TMEM163: variants seen among roughly 807,000 people sequenced by gnomAD.
The protein encoded by TMEM163 is transmembrane protein 163.
TMEM163 carries 17 observed loss-of-function variants against 29.3 expected under a neutral mutation model. The ratio of observed to expected loss-of-function variants is 0.58; its 90% CI spans 0.40 to 0.87. TMEM163 has a LOEUF of 0.87. TMEM163 is among the 40% of genes least tolerant of loss of function. The pLI is 0.00. For synonymous variants in TMEM163, 157 were observed against 160.6 expected (o/e 0.98, Z 0.17); for missense variants, 303 against 381.5 (o/e 0.79, Z 1.71).
At chr2:134,528,440 G>A (rs1306496927) in intron 4 of TMEM163, among the ~76,000 whole-genome samples, 1 of 152,174 alleles carries the variant, frequency 6.6e-6, no homozygotes, top group African/African-American at 2.4e-5. Flanking sequence ...GAATGCCTCA[G>A]ATGATACATT....
At chr2:134,497,688 A>G (rs1679602978) in intron 5 of TMEM163, among the ~76,000 whole-genome samples, 1 of 152,224 alleles carries the variant, frequency 6.6e-6, no homozygotes, top group South Asian at 2.1e-4. Context: ...AGTACTGGGT[A>G]CTGCATCCAT....
At chr2:134,588,898 T>C (rs1205071951) in intron 2 of TMEM163, among the ~76,000 whole-genome samples, 2 of 151,724 alleles carry the variant, frequency 1.3e-5, no homozygotes, top group African/African-American at 4.8e-5. Flanking sequence ...TAGACCAAAG[T>C]GTAGAGTTCA....
chr2:134,581,424 T>C (rs1455706191), intron 2 of TMEM163, among the ~76,000 whole-genome samples: 2 of 152,230 alleles, frequency 1.3e-5, no homozygotes, highest in Non-Finnish European at 2.9e-5. Context: ...TTTCAGAACA[T>C]ATCTAAAATT....
At chr2:134,507,855 TCA>T (rs140934225) in intron 4 of TMEM163, among the ~76,000 whole-genome samples, 198 of 150,494 alleles carry the variant, frequency 1.3e-3, no homozygotes, top group African/African-American at 3.9e-3. Flanking sequence ...AGACCCTGTC[TCA>T]CACACACACA....
At chr2:134,549,359 C>T (rs1680859247) in intron 4 of TMEM163, among the ~76,000 whole-genome samples, 1 of 152,188 alleles carries the variant, frequency 6.6e-6, no homozygotes, top group African/African-American at 2.4e-5. Context: ...AGAGTACTTT[C>T]TTGTTTGAGA....
chr2:134,658,667 G>A (rs61018550), intron 2 of TMEM163, among the ~76,000 whole-genome samples: 22,704 of 151,838 alleles, frequency 0.15, 2,506 homozygotes, highest in African/African-American at 0.31. Flanking sequence ...GTACAATCTT[G>A]GCTCACTGCA....
chr2:134,664,766 C>T (rs1248292410), intron 2 of TMEM163, among the ~76,000 whole-genome samples: 1 of 152,196 alleles, frequency 6.6e-6, no homozygotes, highest in Non-Finnish European at 1.5e-5. Context: ...CTGCAACTTG[C>T]AGAAGGAACA....
At chr2:134,669,684 C>T (rs1683947647) in intron 2 of TMEM163, among the ~76,000 whole-genome samples, 1 of 152,178 alleles carries the variant, frequency 6.6e-6, no homozygotes, top group South Asian at 2.1e-4. Context: ...GAGAATGTGG[C>T]AAAAGTGATG....
At chr2:134,691,767 A>G (rs1426296331) in intron 2 of TMEM163, among the ~76,000 whole-genome samples, 2 of 152,194 alleles carry the variant, frequency 1.3e-5, no homozygotes, top group African/African-American at 4.8e-5. Flanking sequence ...CACCAACTCC[A>G]ATGAACAGTC....
At chr2:134,585,528 G>C (rs796602621) in intron 2 of TMEM163, among the ~76,000 whole-genome samples, 18 of 152,262 alleles carry the variant, frequency 1.2e-4, no homozygotes, top group African/African-American at 4.3e-4. Flanking sequence ...AGATTACGAG[G>C]TCAAGAGATA....
At chr2:134,541,329 T>TA (rs1395063296) in intron 4 of TMEM163, among the ~76,000 whole-genome samples, 1 of 152,236 alleles carries the variant, frequency 6.6e-6, no homozygotes, top group African/African-American at 2.4e-5. Flanking sequence ...TAAAAAGAAT[T>TA]ATAACTCTTA....
intron 2 of TMEM163, among the ~76,000 whole-genome samples, chr2:134,573,160 A>G (rs529113226): frequency 6.6e-6 from 1 of 152,194 alleles, no homozygotes; most frequent in Non-Finnish European, 1.5e-5. Flanking sequence ...ACATGTTATT[A>G]TCACACTGCA....
In TMEM163 at chr2:134,718,788, G is replaced by A; in HGVS notation, c.148C>T (p.Arg50Trp). Residue 50 changes from arginine (R) to tryptophan (W), a missense_variant, in exon 1 of 8, where the codon CGG becomes TGG. Arg to Trp is a moderately radical substitution (Grantham distance 101). This residue lies in a region of TMEM163 where 100 missense variants were observed against 87.2 expected (regional missense o/e 1.15). Transcript: ENST00000281924. ...VREPPQLEEE[R>W]QVRISESGQF... ...CCGCTCTCGCTGATCCGCACCTGCC[G>A]CTCCTCCTCCAGCTGGGGCGGCTCG... 1 of 1,150,170 alleles carries A rather than the reference G, an allele frequency of 8.7e-7. No individual in the cohort carries two copies. Among genetic ancestry groups the A allele is most frequent in the Non-Finnish European group, 1.1e-6 (1 of 935,760 alleles). 71.2% of individuals were successfully genotyped at this position (1,150,170 alleles called of 1,614,324 possible).
chr2:134,694,846 C>CT (rs1236808442), intron 2 of TMEM163, among the ~76,000 whole-genome samples: 1 of 152,038 alleles, frequency 6.6e-6, no homozygotes, highest in Non-Finnish European at 1.5e-5. Flanking sequence ...TACAATGTCT[C>CT]TAAGTATAAT....
intron 4 of TMEM163, among the ~76,000 whole-genome samples, chr2:134,511,090 T>C (rs754158181): frequency 3.0e-5 from 4 of 135,014 alleles, no homozygotes; most frequent in Non-Finnish European, 6.0e-5. Context: ...GGATAGGCAA[T>C]GAACACATGA....
At chr2:134,558,722 C>T (rs1681101021) in intron 2 of TMEM163, among the ~76,000 whole-genome samples, 2 of 152,190 alleles carry the variant, frequency 1.3e-5, no homozygotes, top group Non-Finnish European at 2.9e-5. Context: ...AATGCCATTT[C>T]AATCGCTGGC....
chr2:134,540,922 G>C (rs978732093), intron 4 of TMEM163, among the ~76,000 whole-genome samples: 1 of 152,134 alleles, frequency 6.6e-6, no homozygotes, highest in Non-Finnish European at 1.5e-5. Context: ...CTAGGGGTTC[G>C]GGATAAAAAG....
At chr2:134,609,893 A>G (rs547098841) in intron 2 of TMEM163, among the ~76,000 whole-genome samples, 9 of 152,020 alleles carry the variant, frequency 5.9e-5, no homozygotes, top group Non-Finnish European at 1.2e-4. Context: ...AAAGGAGGAC[A>G]GACCCCGAGA....
At chr2:134,485,204 G>A (rs1269550948) in intron 5 of TMEM163, among the ~76,000 whole-genome samples, 2 of 152,142 alleles carry the variant, frequency 1.3e-5, no homozygotes, top group Non-Finnish European at 2.9e-5. Context: ...TAGCCTAAAC[G>A]TATCCAGAAC....
Sources: gnomAD v4.1 joint callset for allele counts (sites outside exome capture counted in the v4.1 genomes callset) on GRCh38, gnomAD v4.1.1 for gene constraint, gnomAD v4.1.1 regional missense constraint, MANE v1.5 for transcripts, NCBI Gene and HGNC (gene_info 2026-07-23, HGNC 2026-07-21) for gene names.